RASSF7: variants seen among roughly 807,000 people sequenced by gnomAD.
RASSF7 encodes ras association domain-containing protein 7.
Under a neutral mutation model 33.8 loss-of-function variants are expected in RASSF7, and 41 were observed. The ratio of observed to expected loss-of-function variants is 1.21; its 90% CI spans 0.95 to 1.57. The LOEUF (loss-of-function observed/expected upper bound fraction) is 1.57, where lower values mean the gene tolerates loss of function less well. Ranked by LOEUF, RASSF7 falls within the 40% of genes most tolerant of loss-of-function variation. The pLI, the probability that RASSF7 is intolerant of heterozygous loss-of-function variation, is 0.00. For missense variants in RASSF7, 622 were observed against 497.0 expected (o/e 1.25, Z -2.39); for synonymous variants, 298 against 212.8 (o/e 1.40, Z -3.48).
chr11:561,624 T>TGGCACAGGAGGGTGGGGCC (rs2134117912), intron 1 of RASSF7, 138 bp from the exon 2 acceptor site: 4 of 1,422,386 alleles, frequency 2.8e-6, no homozygotes, highest in Admixed American at 4.6e-5. Context: ...CGGGTGGGGC[T>TGGCACAGGAGGGTGGGGCC]GGCACAGGAG....
rs1564824387 is a variant in RASSF7, at chr11:562,756, G to A, written c.802G>A (p.Ala268Thr). ...GGCTCTGGTGAGCCGGGCCCTGGAGGCAGCAGAGCGAGCCTTGCAGGTGAG... is the reference window on the plus strand; with the variant it reads ...GGCTCTGGTGAGCCGGGCCCTGGAGACAGCAGAGCGAGCCTTGCAGGTGAG... Reference protein sequence around the residue: ...SLALVSRALEAAERALQAQAQ... With the variant: ...SLALVSRALETAERALQAQAQ... Residue 268 changes from alanine (A) to threonine (T), a missense_variant, in exon 3 of 6, where the codon GCA (alanine) becomes ACA (threonine). By Grantham distance (58) the Ala-to-Thr change is moderately conservative. Coordinates refer to ENST00000397583, the MANE Select transcript of RASSF7 (RefSeq NM_003475.4). The A allele has an allele frequency of 1.3e-6, 2 of 1,513,516 alleles. No individual in the cohort carries two copies. Among genetic ancestry groups the A allele is most frequent in the East Asian group, 2.5e-5 (1 of 40,662 alleles). 93.8% of individuals were successfully genotyped at this position (1,513,516 alleles called of 1,614,324 possible).
Position 561,000 on chromosome 11 carries a change from G to C in RASSF7, c.-485G>C. The C allele has an allele frequency of 9.6e-7, 1 of 1,039,242 alleles. No homozygotes were observed. Among genetic ancestry groups the C allele is most frequent in the Non-Finnish European group, 1.2e-6 (1 of 865,836 alleles). The allele number at this position is 1,039,242 out of a possible 1,614,324, so 64.4% of individuals were successfully genotyped here. On this transcript the variant is annotated 5_prime_UTR_variant, in exon 1 of 6. Coordinates refer to ENST00000397583, the MANE Select transcript of RASSF7 (RefSeq NM_003475.4). Reference sequence around the variant, plus strand: ...GCTGGGGGCGGCAGGTTGCGGCGGCGCCGGAGCGGGTCTCCAGGCTGGCGA... The same window carrying C: ...GCTGGGGGCGGCAGGTTGCGGCGGCCCCGGAGCGGGTCTCCAGGCTGGCGA...
chr11:562,570 C>A lies in RASSF7; in HGVS notation c.616C>A (p.Arg206=). Residue 206 remains arginine, a synonymous_variant, in exon 3 of 6, where the codon CGG becomes AGG. Coordinates refer to ENST00000397583, the MANE Select transcript of RASSF7 (RefSeq NM_003475.4). ...LSAATAEHAA[R]LQALDAQARA... ...TGCGGCCACTGCTGAGCATGCCGCC[C>A]GGCTGCAGGCCCTGGACGCTCAGGC... The A allele has an allele frequency of 1.3e-6, 2 of 1,544,806 alleles. No homozygotes were observed. Among genetic ancestry groups the A allele is most frequent in the Non-Finnish European group, 1.7e-6 (2 of 1,146,412 alleles).
At chr11:562,014 AC>A in intron 2 of RASSF7, 64 bp from the exon 3 acceptor site, 1 of 1,519,236 alleles carries the variant, frequency 6.6e-7, no homozygotes, top group Non-Finnish European at 8.9e-7. Flanking sequence ...GTTCTTCCCA[AC>A]TCTTCAAGCC....
rs2134123486 is a variant in RASSF7, at chr11:563,202, A to C, written c.836A>C (p.Glu279Ala). The C allele has an allele frequency of 6.3e-7, 1 of 1,583,448 alleles. No individual in the cohort carries two copies. The highest frequency in any genetic ancestry group is 1.3e-5 in the African/African-American group (1 of 74,540). ...ATGTGTCCCCAGGCTCAGGCTCAGG[A>C]GCTGGAGGAGCTGAACCGAGAGCTC... ...AERALQAQAQ[E>A]LEELNRELRQ... is the part of the protein sequence containing the mutation. Residue 279 changes from glutamate (E) to alanine (A), a missense_variant, in exon 4 of 6, where the codon GAG becomes GCG. Physicochemically the swap from Glu to Ala is moderately radical, Grantham distance 107. Transcript: ENST00000397583.
Position 561,376 on chromosome 11 carries a change from C to T in RASSF7, c.-109C>T, listed in dbSNP as rs1289742619. On this transcript the variant is annotated 5_prime_UTR_variant, in exon 1 of 6. Transcript: ENST00000397583. ...TTGCGACCCCGAGCGCCTCTGCGGCCTGAGCAGGTCGGGGTGGGGCGTTCC... is the reference window on the plus strand; with the variant it reads ...TTGCGACCCCGAGCGCCTCTGCGGCTTGAGCAGGTCGGGGTGGGGCGTTCC... 3 of 1,067,946 alleles carry T rather than the reference C, an allele frequency of 2.8e-6. No homozygotes were observed. The African/African-American group carries it at 5.1e-5, about 18-fold the overall frequency. 66.2% of individuals were successfully genotyped at this position (1,067,946 alleles called of 1,614,324 possible). A position where few individuals can be genotyped will look rare whatever the true frequency, so the allele number is the denominator to read the frequency against.
At chr11:562,940 G>A (rs968227298) in intron 3 of RASSF7, among the ~76,000 whole-genome samples, 164 bp downstream of exon 3, 5 of 151,192 alleles carry the variant, frequency 3.3e-5, no homozygotes, top group Non-Finnish European at 7.4e-5. Context: ...GGTCTGACTC[G>A]GGAGGCAGGT....
At position 562,782 on chromosome 11, in the gene RASSF7, C is replaced by T. The variant is rs1350900591; in HGVS notation, c.822+6C>T. 6 of 1,473,816 alleles carry T rather than the reference C, an allele frequency of 4.1e-6. No individual in the cohort carries two copies. Among genetic ancestry groups the T allele is most frequent in the Admixed American group, 2.4e-5 (1 of 41,272 alleles). The allele number at this position is 1,473,816 out of a possible 1,614,324, so 91.3% of individuals were successfully genotyped here. On this transcript the variant is annotated splice_donor_region_variant and intron_variant, in intron 3 of 5. Coordinates refer to ENST00000397583, the MANE Select transcript of RASSF7 (RefSeq NM_003475.4). ...CAGCAGAGCGAGCCTTGCAGGTGAG[C>T]CCGGGGACCTGATCCCCTGTCACTC...
At chr11:562,853 C>T (rs1253415067) in intron 3 of RASSF7, 77 bp downstream of exon 3, 14 of 1,223,938 alleles carry the variant, frequency 1.1e-5, no homozygotes, top group Admixed American at 8.7e-5. Flanking sequence ...GGGTCCCACT[C>T]GGGAGGCAGG....
rs1329622390 is a variant in RASSF7 at position 562,241 on chromosome 11, C to T, written c.287C>T (p.Ser96Phe). ...GGGCCCAGCCTAGCTGGGAGGCCCT[C>T]CTCAGACAGCTGTCCACCCCCGGAA... is the stretch of plus-strand genomic sequence containing the variant. ...RTGPSLAGRP[S>F]SDSCPPPERC... Residue 96 changes from serine (S) to phenylalanine (F), a missense_variant, in exon 3 of 6, where the codon TCC (serine) becomes TTC (phenylalanine). Coordinates refer to ENST00000397583, the MANE Select transcript of RASSF7 (RefSeq NM_003475.4). 7 of 1,612,660 alleles carry T rather than the reference C, an allele frequency of 4.3e-6. No individual in the cohort carries two copies. The highest frequency in any genetic ancestry group is 2.2e-5 in the East Asian group (1 of 44,886).
At position 561,042 on chromosome 11, in the gene RASSF7, C is replaced by T. The variant is rs1227641490; in HGVS notation, c.-443C>T. The T allele has an allele frequency of 8.6e-5, 86 of 997,056 alleles. No individual in the cohort carries two copies. Among genetic ancestry groups the T allele is most frequent in the Non-Finnish European group, 9.7e-5 (81 of 838,336 alleles). The allele number at this position is 997,056 out of a possible 1,614,324, so 61.8% of individuals were successfully genotyped here. A position where few individuals can be genotyped will look rare whatever the true frequency, so the allele number is the denominator to read the frequency against. ...GGCTGGCGAGCGCCCAGGTGAGCCG[C>T]GCCGGGTCCCCGGTACTTGGGAGCG... On this transcript the variant is annotated 5_prime_UTR_variant, in exon 1 of 6. Coordinates refer to ENST00000397583, the MANE Select transcript of RASSF7 (RefSeq NM_003475.4).
In RASSF7 at chr11:562,188, C is replaced by A. The variant is rs372646867; in HGVS notation, c.234C>A (p.Ser78Arg). The A allele has an allele frequency of 6.3e-7, 1 of 1,592,128 alleles. No individual in the cohort carries two copies. Among genetic ancestry groups the A allele is most frequent in the African/African-American group, 1.3e-5 (1 of 74,320 alleles). ...AGGCCACCTGCGGACAGTTTGCCAGCGATGTCCAGTTTGTCCTGAGGCGCA... is the reference window on the plus strand; with the variant it reads ...AGGCCACCTGCGGACAGTTTGCCAGAGATGTCCAGTTTGTCCTGAGGCGCA... ...GAQATCGQFA[S>R]DVQFVLRRTG... The change falls in exon 3 of 6, where the codon AGC (serine) becomes AGA (arginine). Residue 78 changes from serine (S) to arginine (R), a missense_variant. Transcript: ENST00000397583.
Position 562,679 on chromosome 11 carries a change from A to G in RASSF7, c.725A>G (p.His242Arg), listed in dbSNP as rs764602281. The change falls in exon 3 of 6, where the codon CAC becomes CGC. Residue 242 changes from histidine to arginine, a missense_variant. Physicochemically the swap from His to Arg is conservative, Grantham distance 29. Coordinates refer to ENST00000397583, the MANE Select transcript of RASSF7 (RefSeq NM_003475.4). ...SPMASATERL[H>R]QDLAVQERQS... is the part of the protein sequence containing the mutation. ...ATGGCATCTGCCACTGAGCGCCTGC[A>G]CCAGGACCTGGCTGTTCAGGAGCGG... 1.3e-6 allele frequency: 2 copies of G among 1,543,936 alleles called. No homozygotes were observed. The highest frequency in any genetic ancestry group is 4.9e-5 in the East Asian group (2 of 40,912).
chr11:563,957 A>G lies in RASSF7; in HGVS notation c.*312A>G. 2.1e-6 allele frequency: 1 copy of G among 472,118 alleles called. No individual in the cohort carries two copies. The allele number at this position is 472,118 out of a possible 1,614,324, so 29.2% of individuals were successfully genotyped here. A position where few individuals can be genotyped will look rare whatever the true frequency, so the allele number is the denominator to read the frequency against. On this transcript the variant is annotated 3_prime_UTR_variant, in exon 6 of 6. Coordinates refer to ENST00000397583, the MANE Select transcript of RASSF7 (RefSeq NM_003475.4). ...AGGTCCTTCACTGTGTGTACACAGC[A>G]AGAGCATGTGTGTGCCACTTCCCCT...
rs370118538 is a variant in RASSF7 at position 563,679 on chromosome 11, G to A, written c.*34G>A. 172 of 1,561,662 alleles carry A rather than the reference G, an allele frequency of 1.1e-4. No individual in the cohort carries two copies. Among genetic ancestry groups the A allele is most frequent in the African/African-American group, 2.0e-4 (15 of 74,108 alleles). On this transcript the variant is annotated 3_prime_UTR_variant, in exon 6 of 6. Transcript: ENST00000397583. ...TGAGGGCTGCAAGACCATCCTGCCC[G>A]GACCACAGAAGGAGAGTTGGCGGTC...
Position 561,853 on chromosome 11 carries a change from A to ACCTGC in RASSF7, c.87_91dup (p.Gln31ProfsTer9). The ACCTGC allele has an allele frequency of 6.2e-7, 1 of 1,612,898 alleles. No homozygotes were observed. The highest frequency in any genetic ancestry group is 8.5e-7 in the Non-Finnish European group (1 of 1,179,892). ...GGTCTGTGGGGTCTCAGAGCAGACCACCTGCCAGGAAGTGGTCATCGCACT... is the reference window on the plus strand; with the variant it reads ...GGTCTGTGGGGTCTCAGAGCAGACCACCTGCCCTGCCAGGAAGTGGTCATCGCACT... On this transcript the variant is annotated frameshift_variant, in exon 2 of 6. Coordinates refer to ENST00000397583, the MANE Select transcript of RASSF7 (RefSeq NM_003475.4). LOFTEE classifies it high-confidence loss of function.
In RASSF7 at chr11:561,450, G is replaced by C. The variant is rs1420220823; in HGVS notation, c.-35G>C. Reference sequence around the variant, plus strand: ...GCGTGCGGGCGCCTCCGCGCCGCCCGGGGAGGGGGCAGTGTCCTCCGAGCC... The same window carrying C: ...GCGTGCGGGCGCCTCCGCGCCGCCCCGGGAGGGGGCAGTGTCCTCCGAGCC... On this transcript the variant is annotated 5_prime_UTR_variant, in exon 1 of 6. Coordinates refer to ENST00000397583, the MANE Select transcript of RASSF7 (RefSeq NM_003475.4). 1.7e-6 allele frequency: 2 copies of C among 1,180,506 alleles called. No individual in the cohort carries two copies. The highest frequency in any genetic ancestry group is 2.1e-6 in the Non-Finnish European group (2 of 948,556). The allele number at this position is 1,180,506 out of a possible 1,614,324, so 73.1% of individuals were successfully genotyped here.
Position 563,466 on chromosome 11 carries a change from C to G in RASSF7, c.1022C>G (p.Pro341Arg), listed in dbSNP as rs943847599. 6.2e-7 allele frequency: 1 copy of G among 1,610,944 alleles called. No individual in the cohort carries two copies. The highest frequency in any genetic ancestry group is 1.1e-5 in the South Asian group (1 of 90,862). The change falls in exon 5 of 6, where the codon CCT becomes CGT. Residue 341 changes from proline (P) to arginine (R), a missense_variant. Transcript: ENST00000397583. ...TCTGAGTCCCATGCTGGTGCCCAGC[C>G]TAGGCCCCGAGGGTATGTCTGTGCC... is the stretch of plus-strand genomic sequence containing the variant. Reference protein sequence around the residue: ...APSESHAGAQPRPRGGPHDAE... With the variant: ...APSESHAGAQRRPRGGPHDAE...
chr11:561,563 G>T lies in RASSF7; in HGVS notation c.-8+86G>T, dbSNP rs893507275. 9 of 1,400,382 alleles carry T rather than the reference G, an allele frequency of 6.4e-6. 1 individual carries two copies. In the South Asian group the frequency reaches 1.2e-4, roughly 19 times the overall value. The allele number at this position is 1,400,382 out of a possible 1,614,324, so 86.7% of individuals were successfully genotyped here. ...CGTGGCAAGAGGAAGCTGGTGAAGTGGGGGAGGATGCGTGCTCCGGAGGGC... is the reference window on the plus strand; with the variant it reads ...CGTGGCAAGAGGAAGCTGGTGAAGTTGGGGAGGATGCGTGCTCCGGAGGGC... On this transcript the variant is annotated intron_variant, in intron 1 of 5. Coordinates refer to ENST00000397583, the MANE Select transcript of RASSF7 (RefSeq NM_003475.4).
Sources: allele counts gnomAD v4.1 joint callset (sites outside exome capture counted in the v4.1 genomes callset), GRCh38; gene constraint gnomAD v4.1.1; transcripts MANE v1.5; gene names NCBI Gene and HGNC (gene_info 2026-07-23, HGNC 2026-07-21).